The following CDC25A variants were observed in gnomAD, a reference collection of about 807,000 sequenced individuals.
CDC25A encodes the protein M-phase inducer phosphatase 1.
A neutral mutation model predicts 64.6 loss-of-function variants in CDC25A; 17 were observed. The ratio of observed to expected loss-of-function variants is 0.26; its 90% CI spans 0.18 to 0.39. CDC25A has a LOEUF of 0.39. CDC25A is among the 10% of genes least tolerant of loss of function. The pLI, the probability that CDC25A is intolerant of heterozygous loss-of-function variation, is 1.00. For synonymous variants in CDC25A, 229 were observed against 238.6 expected (o/e 0.96, Z 0.37); for missense variants, 473 against 654.8 (o/e 0.72, Z 3.03).
At chr3:48,177,492 T>C (rs762592987) in intron 7 of CDC25A, 50 bp from the exon 8 acceptor site, 1 of 1,380,232 alleles carries the variant, frequency 7.2e-7, no homozygotes, top group South Asian at 1.2e-5. Flanking sequence ...GAGACTAACA[T>C]TTGTTTAAGT....
chr3:48,186,588 G>A, intron 2 of CDC25A, 115 bp downstream of exon 2: 21 of 490,826 alleles, frequency 4.3e-5, no homozygotes, highest in Admixed American at 7.1e-5. Flanking sequence ...AAAAAAAAAA[G>A]TTTATCACCC....
At chr3:48,174,542 G>T in intron 8 of CDC25A, 85 bp from the exon 9 acceptor site, 1 of 1,322,838 alleles carries the variant, frequency 7.6e-7, no homozygotes, top group Non-Finnish European at 1.0e-6. Context: ...AAGGTTTCCT[G>T]GGATGATCTA....
In CDC25A at chr3:48,182,961, G is replaced by T. The variant is rs770406262; in HGVS notation, c.397C>A (p.Gln133Lys). 1.5e-5 allele frequency: 25 copies of T among 1,613,304 alleles called. No individual in the cohort carries two copies. Among genetic ancestry groups the T allele is most frequent in the Non-Finnish European group, 2.1e-5 (25 of 1,179,224 alleles). The change falls in exon 5 of 15, where the codon CAG becomes AAG. Residue 133 changes from glutamine (Q) to lysine (K), a missense_variant. Physicochemically the swap from Gln to Lys is moderately conservative, Grantham distance 53. Coordinates refer to ENST00000302506, the MANE Select transcript of CDC25A (RefSeq NM_001789.3). The part of the protein sequence containing the change: ...HSDSLDHDIF[Q>K]LIDPDENKEN... The stretch of plus-strand genomic sequence containing the variant: ...TTGTTCTCATCTGGGTCGATGAGCT[G>T]AAAGATGTCATGGTCAAGAGAATCA...
rs2032508906 is a variant in CDC25A at position 48,177,553 on chromosome 3, G to A, written c.685-111C>T. ...AATACCAGATAGGCCTGGATAGGAA[G>A]TATCCTTAATGTACCATCCTATACC... On this transcript the variant is annotated intron_variant, in intron 7 of 14. Transcript: ENST00000302506. The A allele has an allele frequency of 4.8e-6, 4 of 827,646 alleles. No individual in the cohort carries two copies. The South Asian group carries it at 6.2e-5, about 13-fold the overall frequency. The allele number at this position is 827,646 out of a possible 1,614,324, so 51.3% of individuals were successfully genotyped here. A position where few individuals can be genotyped will look rare whatever the true frequency, so the allele number is the denominator to read the frequency against.
intron 9 of CDC25A, among the ~76,000 whole-genome samples, chr3:48,172,587 G>C (rs1325860030): frequency 6.6e-6 from 1 of 152,214 alleles, no homozygotes; most frequent in Admixed American, 6.5e-5. Context: ...CCCATGCCAG[G>C]TGCTGTGTCT....
intron 13 of CDC25A, among the ~76,000 whole-genome samples, chr3:48,162,145 G>A (rs994021732): frequency 3.9e-5 from 6 of 152,190 alleles, no homozygotes; most frequent in Admixed American, 3.3e-4. Context: ...AAGGACTTAT[G>A]AGATGACAGT....
chr3:48,165,889 T>C lies in CDC25A; in HGVS notation c.1034A>G (p.Tyr345Cys). 1 of 1,586,986 alleles carries C rather than the reference T, an allele frequency of 6.3e-7. No homozygotes were observed. Residue 345 changes from tyrosine to cysteine, a missense_variant, in exon 11 of 15, where the codon TAT becomes TGT. Physicochemically the swap from Tyr to Cys is radical, Grantham distance 194. This residue lies in a region of CDC25A where 376 missense variants were observed against 431.9 expected (regional missense o/e 0.87). Coordinates refer to ENST00000302506, the MANE Select transcript of CDC25A (RefSeq NM_001789.3). ...RDLIGDFSKG[Y>C]LFHTVAGKHQ... The stretch of plus-strand genomic sequence containing the variant: ...TTTCCCAGCAACTGTATGAAAGAGA[T>C]AACCCTTAAAAAGAAAAAAAGATAC...
At chr3:48,176,895 T>C (rs1215946795) in intron 8 of CDC25A, among the ~76,000 whole-genome samples, 2 of 150,748 alleles carry the variant, frequency 1.3e-5, no homozygotes, top group African/African-American at 4.9e-5. Flanking sequence ...CACTTGAACC[T>C]GGGAGGCAGA....
intron 9 of CDC25A, among the ~76,000 whole-genome samples, chr3:48,168,575 A>AG (rs946498217): frequency 1.7e-4 from 26 of 151,386 alleles, no homozygotes; most frequent in Admixed American, 5.9e-4. Context: ...GAAAGAAACA[A>AG]GGGGGGTTAA....
intron 14 of CDC25A, 119 bp downstream of exon 14, chr3:48,159,225 C>A (rs2031647673): frequency 1.6e-6 from 2 of 1,264,772 alleles, no homozygotes; most frequent in Admixed American, 4.1e-5. Flanking sequence ...TCTTTGGGTT[C>A]AGCAGATACC....
intron 5 of CDC25A, among the ~76,000 whole-genome samples, chr3:48,182,406 A>T (rs1046307949): frequency 1.3e-5 from 2 of 152,208 alleles, no homozygotes; most frequent in African/African-American, 4.8e-5. Flanking sequence ...AGCCAGGCTC[A>T]TTCAGGGTAG....
intron 6 of CDC25A, among the ~76,000 whole-genome samples, chr3:48,179,134 G>A (rs1027505687): frequency 2.0e-5 from 3 of 152,158 alleles, no homozygotes; most frequent in African/African-American, 4.8e-5. Context: ...GTTCTGAGCA[G>A]TCTCTAGTCC....
intron 5 of CDC25A, chr3:48,181,784 G>T: frequency 2.8e-5 from 13 of 465,412 alleles, no homozygotes; most frequent in Admixed American, 3.9e-5. Flanking sequence ...ATAAAACCAT[G>T]AAGAATCAAA....
At chr3:48,176,531 G>GTA (rs55938075) in intron 8 of CDC25A, among the ~76,000 whole-genome samples, 21,087 of 137,778 alleles carry the variant, frequency 0.15, 1,851 homozygotes, top group Middle Eastern at 0.22. Flanking sequence ...GTGTGTGTGA[G>GTA]TATATATATA....
chr3:48,180,694 T>A, intron 6 of CDC25A, 27 bp downstream of exon 6: 2 of 1,610,316 alleles, frequency 1.2e-6, no homozygotes, highest in Admixed American at 3.4e-5. Flanking sequence ...CTGTCAGGAA[T>A]TCCCCTATGA....
intron 9 of CDC25A, among the ~76,000 whole-genome samples, chr3:48,172,519 G>GA (rs1390989639): frequency 1.3e-5 from 2 of 152,126 alleles, no homozygotes; most frequent in Non-Finnish European, 1.5e-5. Flanking sequence ...AGAATAAATA[G>GA]AAAAAATAAC....
At chr3:48,182,219 G>A (rs368349812) in intron 5 of CDC25A, among the ~76,000 whole-genome samples, 45 of 152,318 alleles carry the variant, frequency 3.0e-4, no homozygotes, top group East Asian at 2.1e-3. Flanking sequence ...AGTTCATGGA[G>A]GCAGTGGGTT....
At chr3:48,168,062 T>G (rs1181990106) in intron 9 of CDC25A, 118 bp from the exon 10 acceptor site, 3 of 616,730 alleles carry the variant, frequency 4.9e-6, no homozygotes, top group Non-Finnish European at 8.7e-6. Flanking sequence ...TAGTAAGAAG[T>G]TTTTATTTTA....
chr3:48,167,866 G>T lies in CDC25A; in HGVS notation c.1009C>A (p.Leu337Ile). ...ENILDNDPRD[L>I]IGDFSKGYLF... Reference sequence around the variant, plus strand: ...ATTACCTTGGAGAAGTCTCCTATAAGGTCCCTTGGGTCATTGTCCAAAATG... The same window carrying T: ...ATTACCTTGGAGAAGTCTCCTATAATGTCCCTTGGGTCATTGTCCAAAATG... Residue 337 changes from leucine to isoleucine, a missense_variant, in exon 10 of 15, where the codon CTT becomes ATT. This residue lies in a region of CDC25A where 376 missense variants were observed against 431.9 expected (regional missense o/e 0.87). Coordinates refer to ENST00000302506, the MANE Select transcript of CDC25A (RefSeq NM_001789.3). 1 of 1,596,946 alleles carries T rather than the reference G, an allele frequency of 6.3e-7. No individual in the cohort carries two copies. Among genetic ancestry groups the T allele is most frequent in the Non-Finnish European group, 8.6e-7 (1 of 1,164,384 alleles).
Sources: allele counts gnomAD v4.1 joint callset (sites outside exome capture counted in the v4.1 genomes callset), GRCh38; gene constraint gnomAD v4.1.1; regional missense constraint gnomAD v4.1.1; transcripts MANE v1.5; gene names NCBI Gene and HGNC (gene_info 2026-07-23, HGNC 2026-07-21).